Variants in FILIP1L observed in about 807,000 individuals in gnomAD.
The protein encoded by FILIP1L is filamin A-interacting protein 1-like.
Under a neutral mutation model 96.6 loss-of-function variants are expected in FILIP1L, and 55 were observed. The observed-to-expected ratio is 0.57, with a 90% CI of 0.46 to 0.71. FILIP1L has a LOEUF of 0.71. Among genes scored for constraint, FILIP1L ranks in the 30% least tolerant of loss-of-function variants. The pLI, the probability that FILIP1L is intolerant of heterozygous loss-of-function variation, is 0.00. For missense variants in FILIP1L, 1,304 were observed against 1,321.2 expected (o/e 0.99, Z 0.20); for synonymous variants, 467 against 473.9 (o/e 0.99, Z 0.19).
intron 1 of FILIP1L, among the ~76,000 whole-genome samples, chr3:100,050,881 G>A (rs576279865): frequency 9.3e-4 from 142 of 152,248 alleles, no homozygotes; most frequent in African/African-American, 3.2e-3. Context: ...ATAACTCTGT[G>A]AGACACATTC....
chr3:100,065,853 A>G (rs1426385411), intron 1 of FILIP1L, among the ~76,000 whole-genome samples: 2 of 152,198 alleles, frequency 1.3e-5, no homozygotes, highest in Non-Finnish European at 2.9e-5. Flanking sequence ...TTTACCTAAT[A>G]CTGTGTTCTA....
intron 1 of FILIP1L, among the ~76,000 whole-genome samples, chr3:99,942,040 C>T (rs555422964): frequency 9.2e-5 from 14 of 152,196 alleles, no homozygotes; most frequent in African/African-American, 3.1e-4. Flanking sequence ...CACGGTGAAA[C>T]TGTATCTCTA....
At chr3:100,107,808 T>G (rs2066419282) in intron 1 of FILIP1L, among the ~76,000 whole-genome samples, 1 of 151,370 alleles carries the variant, frequency 6.6e-6, no homozygotes, top group Non-Finnish European at 1.5e-5. Flanking sequence ...GGCCATAAAC[T>G]AACACTTTTT....
chr3:99,873,609 C>G (rs992398048), intron 4 of FILIP1L, among the ~76,000 whole-genome samples: 1 of 152,142 alleles, frequency 6.6e-6, no homozygotes, highest in Non-Finnish European at 1.5e-5. Context: ...ATTCTTCCTC[C>G]TACATTTTCA....
chr3:99,946,326 G>A (rs1708006527), intron 1 of FILIP1L, among the ~76,000 whole-genome samples: 2 of 152,206 alleles, frequency 1.3e-5, no homozygotes, highest in East Asian at 3.8e-4. Flanking sequence ...AATAGAAAAA[G>A]CTACAACTAT....
chr3:99,960,044 G>A (rs1321091722), intron 1 of FILIP1L, among the ~76,000 whole-genome samples: 5 of 152,122 alleles, frequency 3.3e-5, no homozygotes, highest in East Asian at 1.9e-4. Context: ...TTTATAAATT[G>A]TCTAAAGTGT....
intron 1 of FILIP1L, among the ~76,000 whole-genome samples, chr3:100,112,026 G>A (rs963581049): frequency 2.6e-5 from 4 of 152,146 alleles, no homozygotes; most frequent in African/African-American, 4.8e-5. Flanking sequence ...TAACCAGCAC[G>A]GGGCCTGGCA....
At chr3:100,110,407 G>A (rs926756357) in intron 1 of FILIP1L, among the ~76,000 whole-genome samples, 21 of 151,970 alleles carry the variant, frequency 1.4e-4, no homozygotes, top group African/African-American at 3.4e-4. Context: ...GCTTTATCCC[G>A]TTTGCTATCC....
chr3:100,104,415 C>G (rs761622023), intron 1 of FILIP1L, among the ~76,000 whole-genome samples: 1 of 152,084 alleles, frequency 6.6e-6, no homozygotes, highest in Non-Finnish European at 1.5e-5. Flanking sequence ...GAAATGTGAC[C>G]CACACTTTGT....
intron 4 of FILIP1L, among the ~76,000 whole-genome samples, chr3:99,923,754 T>A (rs1707197065): frequency 3.3e-5 from 5 of 152,202 alleles, no homozygotes. Flanking sequence ...AATTTTCCAT[T>A]TGCTCCTTCA....
intron 1 of FILIP1L, among the ~76,000 whole-genome samples, chr3:99,971,833 A>G (rs942859661): frequency 8.5e-5 from 13 of 152,180 alleles, no homozygotes; most frequent in South Asian, 2.1e-4. Context: ...TGAATGAATA[A>G]TGACGTTGGG....
At chr3:100,072,407 G>A (rs77069386) in intron 1 of FILIP1L, among the ~76,000 whole-genome samples, 1,550 of 152,314 alleles carry the variant, frequency 0.01, 33 homozygotes, top group African/African-American at 0.035. Flanking sequence ...TCAAGTAACA[G>A]AGTTGTCTCT....
At chr3:99,959,615 A>G (rs964563906) in intron 1 of FILIP1L, among the ~76,000 whole-genome samples, 1 of 152,188 alleles carries the variant, frequency 6.6e-6, no homozygotes, top group Admixed American at 6.5e-5. Flanking sequence ...GATAAATTGA[A>G]TTTAGTAATC....
chr3:99,883,363 G>A (rs1212787762), intron 4 of FILIP1L, among the ~76,000 whole-genome samples: 2 of 152,170 alleles, frequency 1.3e-5, no homozygotes, highest in African/African-American at 4.8e-5. Context: ...TGAAAAGTTT[G>A]TCTTGAGTCT....
rs529055199 is a variant in FILIP1L, at chr3:99,848,364, G to A, written c.3312C>T (p.Thr1104=). The A allele has an allele frequency of 1.2e-6, 2 of 1,614,022 alleles. No individual in the cohort carries two copies. Among genetic ancestry groups the A allele is most frequent in the African/African-American group, 1.3e-5 (1 of 74,924 alleles). Residue 1104 remains threonine (T), a synonymous_variant, in exon 5 of 6, where the codon ACC becomes ACT. Coordinates refer to ENST00000477258, the MANE Select transcript of FILIP1L (RefSeq NM_001387850.1). The part of the protein sequence containing the change: ...GLINGALNKT[T]NKVTSSITIT... The stretch of plus-strand genomic sequence containing the variant: ...TAGTAATACTGCTGGTGACTTTATT[G>A]GTTGTTTTGTTTAGTGCCCCGTTAA...
intron 4 of FILIP1L, among the ~76,000 whole-genome samples, chr3:99,923,937 T>C (rs1707204684): frequency 6.6e-6 from 1 of 152,254 alleles, no homozygotes; most frequent in Non-Finnish European, 1.5e-5. Context: ...ATGGTTTTCA[T>C]TCTTGTTTGC....
intron 1 of FILIP1L, among the ~76,000 whole-genome samples, chr3:100,097,956 G>A (rs1160516319): frequency 3.3e-5 from 5 of 152,192 alleles, no homozygotes; most frequent in African/African-American, 9.6e-5. Context: ...TTTCATCAAC[G>A]GTAGCATATC....
chr3:100,104,580 A>G (rs1390582850), intron 1 of FILIP1L, among the ~76,000 whole-genome samples: 1 of 152,150 alleles, frequency 6.6e-6, no homozygotes, highest in African/African-American at 2.4e-5. Context: ...GGCAGAGAAG[A>G]ACCGAGTACA....
intron 1 of FILIP1L, among the ~76,000 whole-genome samples, chr3:100,031,853 G>A (rs987812041): frequency 6.6e-5 from 10 of 152,156 alleles, no homozygotes; most frequent in Admixed American, 4.6e-4. Context: ...TGGCCATATG[G>A]TCTGTGTAGT....
Sources: allele counts gnomAD v4.1 joint callset (sites outside exome capture counted in the v4.1 genomes callset), GRCh38; gene constraint gnomAD v4.1.1; transcripts MANE v1.5; gene names NCBI Gene and HGNC (gene_info 2026-07-23, HGNC 2026-07-21).